SRBD1: variants seen among roughly 807,000 people sequenced by gnomAD.
SRBD1 encodes the protein S1 RNA binding domain 1.
SRBD1 carries 88 observed loss-of-function variants against 115.3 expected under a neutral mutation model. The ratio of observed to expected loss-of-function variants is 0.76; its 90% CI spans 0.64 to 0.91. The LOEUF (loss-of-function observed/expected upper bound fraction) is 0.91, where lower values mean the gene tolerates loss of function less well. Among genes scored for constraint, SRBD1 ranks in the 40% least tolerant of loss-of-function variants. The probability of loss-of-function intolerance (pLI) is 0.00; values close to 1 mark genes in which losing one functional copy is unlikely to be tolerated. For missense variants in SRBD1, 1,385 were observed against 1,177.4 expected (o/e 1.18, Z -2.58); for synonymous variants, 509 against 407.7 (o/e 1.25, Z -2.99).
chr2:45,466,703 G>A (rs1439872396), intron 16 of SRBD1, among the ~76,000 whole-genome samples: 2 of 152,198 alleles, frequency 1.3e-5, no homozygotes, highest in African/African-American at 2.4e-5. Flanking sequence ...TCTTGGTTGT[G>A]TTTCACAATA....
intron 16 of SRBD1, among the ~76,000 whole-genome samples, chr2:45,426,361 T>C (rs1160785717): frequency 6.6e-6 from 1 of 152,222 alleles, no homozygotes; most frequent in Non-Finnish European, 1.5e-5. Flanking sequence ...CAGGGGCTTA[T>C]AGATAAAACT....
intron 14 of SRBD1, among the ~76,000 whole-genome samples, chr2:45,519,859 AG>A (rs1373529759): frequency 6.6e-6 from 1 of 152,158 alleles, no homozygotes; most frequent in Non-Finnish European, 1.5e-5. Context: ...CAACCTTATA[AG>A]GTTACTATTT....
chr2:45,465,486 C>T (rs922629979), intron 16 of SRBD1, among the ~76,000 whole-genome samples: 1 of 152,074 alleles, frequency 6.6e-6, no homozygotes, highest in African/African-American at 2.4e-5. Context: ...ATCCAGACTG[C>T]AAGAAAACAC....
intron 9 of SRBD1, among the ~76,000 whole-genome samples, chr2:45,570,667 A>G (rs551564656): frequency 1.8e-4 from 27 of 152,358 alleles, no homozygotes; most frequent in South Asian, 1.7e-3. Context: ...CAGAATTTCT[A>G]TAAGAGAGCA....
intron 16 of SRBD1, among the ~76,000 whole-genome samples, chr2:45,450,497 A>G (rs571584112): frequency 2.0e-5 from 3 of 152,292 alleles, no homozygotes; most frequent in African/African-American, 7.2e-5. Flanking sequence ...AAGAGTTACA[A>G]TATTTTTAAA....
chr2:45,593,470 G>A (rs906380325), intron 4 of SRBD1, among the ~76,000 whole-genome samples: 4 of 152,230 alleles, frequency 2.6e-5, no homozygotes, highest in African/African-American at 9.6e-5. Flanking sequence ...GAGATCTGAT[G>A]GCTTAAAATG....
intron 4 of SRBD1, among the ~76,000 whole-genome samples, chr2:45,589,040 C>A (rs993249804): frequency 2.0e-5 from 3 of 152,320 alleles, no homozygotes; most frequent in South Asian, 4.1e-4. Context: ...TTCCCTCCCC[C>A]CTCAAGCTCT....
At chr2:45,435,343 C>G (rs1446903362) in intron 16 of SRBD1, among the ~76,000 whole-genome samples, 1 of 151,824 alleles carries the variant, frequency 6.6e-6, no homozygotes, top group Non-Finnish European at 1.5e-5. Context: ...GACTGTGGCA[C>G]CAGGAGGTAA....
chr2:45,502,141 T>G (rs1361182966), intron 14 of SRBD1, among the ~76,000 whole-genome samples: 2 of 152,174 alleles, frequency 1.3e-5, no homozygotes, highest in African/African-American at 4.8e-5. Context: ...CAATATTGGC[T>G]GTTCTGCAGC....
At chr2:45,436,114 A>G (rs181279527) in intron 16 of SRBD1, among the ~76,000 whole-genome samples, 8 of 152,282 alleles carry the variant, frequency 5.3e-5, no homozygotes, top group East Asian at 3.9e-4. Context: ...CAAAAAATCA[A>G]TTAATGGAAT....
intron 14 of SRBD1, among the ~76,000 whole-genome samples, chr2:45,501,475 G>A (rs780664582): frequency 3.9e-5 from 6 of 152,156 alleles, no homozygotes; most frequent in Non-Finnish European, 7.4e-5. Context: ...CAAGCGTGAG[G>A]TGAAGCAGGG....
chr2:45,545,586 G>A (rs4525744), intron 14 of SRBD1, among the ~76,000 whole-genome samples: 85,596 of 151,968 alleles, frequency 0.56, 25,185 homozygotes, highest in African/African-American at 0.72. Context: ...CAGTGCTTGT[G>A]TTAGTTTCTC....
chr2:45,573,080 G>A, intron 9 of SRBD1, 127 bp downstream of exon 9: 1 of 1,087,066 alleles, frequency 9.2e-7, no homozygotes, highest in Non-Finnish European at 1.2e-6. Flanking sequence ...AATATTATAA[G>A]AATTTATATA....
At chr2:45,397,369 C>G (rs1460324531) in intron 19 of SRBD1, among the ~76,000 whole-genome samples, 1 of 151,992 alleles carries the variant, frequency 6.6e-6, no homozygotes, top group Non-Finnish European at 1.5e-5. Context: ...TTACTATTTT[C>G]AAATTTACTG....
chr2:45,508,374 C>A (rs967613974), intron 14 of SRBD1, among the ~76,000 whole-genome samples: 1 of 152,156 alleles, frequency 6.6e-6, no homozygotes, highest in South Asian at 2.1e-4. Context: ...AAACTATACA[C>A]AATGGCTGAA....
At chr2:45,433,606 G>C (rs1170094118) in intron 16 of SRBD1, among the ~76,000 whole-genome samples, 28 of 152,094 alleles carry the variant, frequency 1.8e-4, no homozygotes, top group Admixed American at 1.8e-3. Flanking sequence ...AGGAGGCTGG[G>C]AAACATTTGA....
At chr2:45,461,267 T>G (rs968727735) in intron 16 of SRBD1, among the ~76,000 whole-genome samples, 4 of 152,192 alleles carry the variant, frequency 2.6e-5, no homozygotes, top group Non-Finnish European at 1.5e-5. Context: ...GTTCCAGATA[T>G]AAAATACCTT....
intron 10 of SRBD1, among the ~76,000 whole-genome samples, chr2:45,558,350 T>C (rs1672549710): frequency 6.6e-6 from 1 of 152,206 alleles, no homozygotes; most frequent in South Asian, 2.1e-4. Context: ...GATACGTTTT[T>C]ATTTAGAGAG....
intron 9 of SRBD1, among the ~76,000 whole-genome samples, chr2:45,563,014 A>G (rs1326753750): frequency 6.6e-6 from 1 of 152,226 alleles, no homozygotes; most frequent in African/African-American, 2.4e-5. Flanking sequence ...TGATCTAAAA[A>G]TCTCATTTCA....
Sources: allele counts gnomAD v4.1 joint callset (sites outside exome capture counted in the v4.1 genomes callset), GRCh38; gene constraint gnomAD v4.1.1; transcripts MANE v1.5; gene names NCBI Gene and HGNC (gene_info 2026-07-23, HGNC 2026-07-21).